GRIA2: variants seen among roughly 807,000 people sequenced by gnomAD.
GRIA2 encodes glutamate receptor 2.
Under a neutral mutation model 97.3 loss-of-function variants are expected in GRIA2, and 14 were observed. The ratio of observed to expected loss-of-function variants is 0.14; its 90% CI spans 0.10 to 0.23. The LOEUF (loss-of-function observed/expected upper bound fraction) is 0.23, where lower values mean the gene tolerates loss of function less well. GRIA2 is among the 10% of genes least tolerant of loss of function. The pLI is 1.00. For missense variants in GRIA2, 558 were observed against 1,069.8 expected, an observed-to-expected ratio of 0.52 and a Z score of 6.67; for synonymous variants, 412 against 387.8, an observed-to-expected ratio of 1.06 and a Z score of -0.73.
intron 2 of GRIA2, among the ~76,000 whole-genome samples, chr4:157,266,207 C>T (rs996473976): frequency 6.6e-6 from 1 of 152,056 alleles, no homozygotes; most frequent in African/African-American, 2.4e-5. Context: ...GTCTAGAAGG[C>T]AATCAAATGT....
intron 3 of GRIA2, among the ~76,000 whole-genome samples, chr4:157,304,290 G>A (rs921886488): frequency 6.6e-6 from 1 of 152,118 alleles, no homozygotes; most frequent in Non-Finnish European, 1.5e-5. Context: ...ACCCACGTAT[G>A]GTACAGCTTA....
intron 2 of GRIA2, among the ~76,000 whole-genome samples, chr4:157,236,007 A>C (rs1417423583): frequency 6.6e-6 from 1 of 152,066 alleles, no homozygotes; most frequent in Non-Finnish European, 1.5e-5. Context: ...CAGATTTTAT[A>C]TAATTTAAAC....
chr4:157,343,992 A>G (rs578224051), intron 12 of GRIA2, among the ~76,000 whole-genome samples: 23 of 152,166 alleles, frequency 1.5e-4, no homozygotes, highest in African/African-American at 5.1e-4. Context: ...GTTTTCTAGG[A>G]TACTATGGCT....
chr4:157,231,916 G>A (rs1370607944), intron 2 of GRIA2, among the ~76,000 whole-genome samples: 1 of 152,094 alleles, frequency 6.6e-6, no homozygotes, highest in Non-Finnish European at 1.5e-5. Context: ...TGTTTAAAAA[G>A]TATTAGTATG....
rs1259471959 is a variant in GRIA2 at position 157,334,042 on chromosome 4, T to A, written c.1188T>A (p.Val396=). ...IGYWSEVDKM[V]VTLTELPSGN... Reference sequence around the variant, plus strand: ...ACTGGAGTGAAGTGGACAAAATGGTTGTTACCCTTACTGAGCTCCCTTCTG... The same window carrying A: ...ACTGGAGTGAAGTGGACAAAATGGTAGTTACCCTTACTGAGCTCCCTTCTG... The change falls in exon 9 of 16, where the codon GTT becomes GTA. Residue 396 remains valine (V), a synonymous_variant. Coordinates refer to ENST00000264426, the MANE Select transcript of GRIA2 (RefSeq NM_001083619.3). 3 of 1,608,322 alleles carry A rather than the reference T, an allele frequency of 1.9e-6. No individual in the cohort carries two copies. The Admixed American group carries it at 5.0e-5, about 27-fold the overall frequency.
intron 6 of GRIA2, among the ~76,000 whole-genome samples, chr4:157,323,803 A>G (rs1250359068): frequency 6.6e-6 from 1 of 152,160 alleles, no homozygotes; most frequent in African/African-American, 2.4e-5. Context: ...CTAGTGCCAG[A>G]TTTCACTGAG....
chr4:157,228,321 A>G (rs1469334425), intron 2 of GRIA2, among the ~76,000 whole-genome samples: 1 of 152,174 alleles, frequency 6.6e-6, no homozygotes, highest in African/African-American at 2.4e-5. Context: ...CCTTCCTTGA[A>G]TCCTATTTAG....
At chr4:157,293,553 C>G (rs1022304793) in intron 2 of GRIA2, among the ~76,000 whole-genome samples, 1 of 152,112 alleles carries the variant, frequency 6.6e-6, no homozygotes, top group African/African-American at 2.4e-5. Flanking sequence ...TTATTGTTAA[C>G]AAGGGTTGCT....
intron 12 of GRIA2, among the ~76,000 whole-genome samples, chr4:157,357,396 T>C (rs376012856): frequency 2.0e-5 from 3 of 152,212 alleles, no homozygotes; most frequent in South Asian, 4.1e-4. Flanking sequence ...TTATTAACTT[T>C]GTTAAAAAAG....
chr4:157,281,077 A>G (rs767181950), intron 2 of GRIA2, among the ~76,000 whole-genome samples: 16 of 151,988 alleles, frequency 1.1e-4, no homozygotes, highest in Admixed American at 2.0e-4. Context: ...CAGTTTTTCC[A>G]TGCTCCCCTG....
chr4:157,257,171 T>C lies in GRIA2; in HGVS notation c.229+35364T>C, dbSNP rs769747724. Among the ~76,000 whole-genome samples, 151 of 152,112 alleles carry C rather than the reference T, an allele frequency of 9.9e-4. 1 individual carries two copies. The highest frequency in any genetic ancestry group is 2.0e-3 in the Non-Finnish European group (134 of 67,960). ...GGTAAATGCCAGATAAACACAGAGG[T>C]TAACTTTCCTAGTGTCACCTTCGAG... is the stretch of plus-strand genomic sequence containing the variant. On this transcript the variant is annotated intron_variant, in intron 2 of 15. Coordinates refer to ENST00000264426, the MANE Select transcript of GRIA2 (RefSeq NM_001083619.3).
chr4:157,296,704 G>A (rs989017861), intron 2 of GRIA2, among the ~76,000 whole-genome samples: 3 of 152,090 alleles, frequency 2.0e-5, no homozygotes, highest in African/African-American at 7.2e-5. Context: ...CGGGCAACTG[G>A]GGAGTGTGCT....
chr4:157,255,229 C>T lies in GRIA2; in HGVS notation c.229+33422C>T, dbSNP rs529452765. On this transcript the variant is annotated intron_variant, in intron 2 of 15. Coordinates refer to ENST00000264426, the MANE Select transcript of GRIA2 (RefSeq NM_001083619.3). ...ATGGCCTGCAGGTCCATCCATGTTG[C>T]TGCAAAACACGATTTCATTCTTTTT... 5.3e-5 allele frequency among the ~76,000 whole-genome samples: 8 copies of T among 151,688 alleles called. 1 individual carries two copies. The East Asian group carries it at 1.6e-3, about 29-fold the overall frequency.
chr4:157,346,487 T>C (rs1023812867), intron 12 of GRIA2, among the ~76,000 whole-genome samples: 3 of 152,170 alleles, frequency 2.0e-5, no homozygotes, highest in Non-Finnish European at 4.4e-5. Context: ...ATGATACATA[T>C]GTATATATCT....
At chr4:157,328,326 A>T (rs1169097211) in intron 6 of GRIA2, among the ~76,000 whole-genome samples, 1 of 152,060 alleles carries the variant, frequency 6.6e-6, no homozygotes, top group Non-Finnish European at 1.5e-5. Flanking sequence ...TCAATAAAAC[A>T]TTGTTAACAT....
chr4:157,267,069 GAAAA>G (rs1467415718), intron 2 of GRIA2, among the ~76,000 whole-genome samples: 6 of 151,128 alleles, frequency 4.0e-5, no homozygotes, highest in African/African-American at 1.2e-4. Context: ...TTTAAAAAAA[GAAAA>G]AAAGGAAGAA....
intron 2 of GRIA2, among the ~76,000 whole-genome samples, chr4:157,302,872 T>A (rs1733676122): frequency 2.0e-5 from 3 of 152,132 alleles, no homozygotes; most frequent in South Asian, 4.1e-4. Flanking sequence ...GATGAGGATG[T>A]GCAAATACAA....
Position 157,333,367 on chromosome 4 carries a change from G to T in GRIA2, c.1155+14G>T. 1.4e-6 allele frequency: 2 copies of T among 1,407,488 alleles called. No homozygotes were observed. The highest frequency in any genetic ancestry group is 2.5e-5 in the South Asian group (2 of 81,456). 87.2% of individuals were successfully genotyped at this position (1,407,488 alleles called of 1,614,324 possible). On this transcript the variant is annotated intron_variant, in intron 8 of 15. Transcript: ENST00000264426. Reference sequence around the variant, plus strand: ...GGGCCCCGGAAGGTAAATCCTTAGTGATTTAAAGGCAGTTCTATGTGAGGA... The same window carrying T: ...GGGCCCCGGAAGGTAAATCCTTAGTTATTTAAAGGCAGTTCTATGTGAGGA...
rs1473750389 is a variant in GRIA2, at chr4:157,364,947, A to T, written c.*1516A>T. The stretch of plus-strand genomic sequence containing the variant: ...TTTATCTAGTTAATGAATTTAAAGG[A>T]TCTATCTTTCCCTTCATAAAATACC... On this transcript the variant is annotated 3_prime_UTR_variant, in exon 16 of 16. Transcript: ENST00000264426. The T allele has an allele frequency of 6.6e-6, 1 of 151,770 alleles. No homozygotes were observed. The highest frequency in any genetic ancestry group is 2.4e-5 in the African/African-American group (1 of 41,512). 9.4% of individuals were successfully genotyped at this position (151,770 alleles called of 1,614,324 possible).
Sources: allele counts gnomAD v4.1 joint callset (sites outside exome capture counted in the v4.1 genomes callset), GRCh38; gene constraint gnomAD v4.1.1; transcripts MANE v1.5; gene names NCBI Gene and HGNC (gene_info 2026-07-23, HGNC 2026-07-21).